PREX2: variants seen among roughly 807,000 people sequenced by gnomAD.
The protein encoded by PREX2 is phosphatidylinositol-3,4,5-trisphosphate dependent Rac exchange factor 2.
In PREX2, 107 loss-of-function variants were observed where a neutral mutation model predicts 203.2. The observed-to-expected ratio is 0.53, with a 90% CI of 0.45 to 0.62. PREX2 has a LOEUF of 0.62. PREX2 is among the 20% of genes least tolerant of loss of function. The pLI is 0.00. For synonymous variants in PREX2, 672 were observed against 663.6 expected (o/e 1.01, Z -0.19); for missense variants, 1,777 against 1,955.9 (o/e 0.91, Z 1.72).
chr8:68,133,156 C>T (rs967492365), intron 31 of PREX2, among the ~76,000 whole-genome samples: 3 of 152,208 alleles, frequency 2.0e-5, no homozygotes, highest in African/African-American at 2.4e-5. Context: ...GAGCAGAGAG[C>T]GTGTGTGTCA....
intron 9 of PREX2, 102 bp from the exon 10 acceptor site, chr8:68,055,728 C>A: frequency 2.8e-6 from 3 of 1,083,768 alleles, no homozygotes; most frequent in East Asian, 2.5e-5. Flanking sequence ...CAACCCCCAG[C>A]ACATGGTAGA....
chr8:68,099,963 T>G, intron 23 of PREX2, 120 bp downstream of exon 23: 1 of 890,862 alleles, frequency 1.1e-6, no homozygotes, highest in Non-Finnish European at 1.9e-6. Context: ...ACTGAGATGA[T>G]AACATTATAT....
chr8:68,224,486 A>T, intron 38 of PREX2, 73 bp from the exon 39 acceptor site: 2 of 1,154,850 alleles, frequency 1.7e-6, no homozygotes, highest in South Asian at 2.5e-5. Context: ...AGTATCCTAC[A>T]CACAAATGTT....
At chr8:68,177,824 C>T (rs879660831) in intron 35 of PREX2, among the ~76,000 whole-genome samples, 2 of 151,836 alleles carry the variant, frequency 1.3e-5, no homozygotes, top group African/African-American at 4.8e-5. Flanking sequence ...TGTGTTGTTC[C>T]CCCCACCCCC....
chr8:68,002,272 T>G (rs1210044407), intron 1 of PREX2, among the ~76,000 whole-genome samples: 1 of 151,962 alleles, frequency 6.6e-6, no homozygotes, highest in African/African-American at 2.4e-5. Context: ...CTCAGCCTCC[T>G]GAGTAGCTGG....
intron 21 of PREX2, chr8:68,095,221 A>T (rs1327706876): frequency 3.3e-5 from 5 of 152,048 alleles, no homozygotes; most frequent in Non-Finnish European, 5.9e-5. Flanking sequence ...TCATTAAATC[A>T]TCAGCCATTG....
intron 37 of PREX2, among the ~76,000 whole-genome samples, chr8:68,204,792 C>T (rs1812581359): frequency 7.1e-6 from 1 of 141,228 alleles, no homozygotes; most frequent in African/African-American, 2.7e-5. Flanking sequence ...TTACACCATT[C>T]TGCCTCAGCC....
chr8:68,228,944 TAAAAAAAA>T (rs58993264), intron 39 of PREX2, among the ~76,000 whole-genome samples: 2 of 103,538 alleles, frequency 1.9e-5, no homozygotes, highest in Non-Finnish European at 3.6e-5. Flanking sequence ...CTTGTCTCTT[TAAAAAAAA>T]AAAAAAAAAA....
chr8:68,125,421 T>C (rs73264936), intron 30 of PREX2, among the ~76,000 whole-genome samples: 2,963 of 152,232 alleles, frequency 0.019, 102 homozygotes, highest in African/African-American at 0.068. Flanking sequence ...ACAGGTGATA[T>C]CAAGGTGTCA....
At position 68,097,090 on chromosome 8, in the gene PREX2, T is replaced by G. The variant is rs774491414; in HGVS notation, c.2442T>G (p.Asn814Lys). ...KKEHVSLTVD[N>K]VHLEYGVVYE... Reference sequence around the variant, plus strand: ...AGCATGTGAGTCTGACAGTGGACAATGTCCACCTGGAATATGGTGTCGTGT... The same window carrying G: ...AGCATGTGAGTCTGACAGTGGACAAGGTCCACCTGGAATATGGTGTCGTGT... Residue 814 changes from asparagine to lysine, a missense_variant, in exon 22 of 40, where the codon AAT becomes AAG. By Grantham distance (94) the Asn-to-Lys change is moderately conservative (BLOSUM62 0). Transcript: ENST00000288368. 6.2e-7 allele frequency: 1 copy of G among 1,613,992 alleles called. No individual in the cohort carries two copies. The highest frequency in any genetic ancestry group is 1.1e-5 in the South Asian group (1 of 91,084).
At chr8:68,023,340 T>G (rs1807623458) in intron 4 of PREX2, among the ~76,000 whole-genome samples, 1 of 152,188 alleles carries the variant, frequency 6.6e-6, no homozygotes, top group Admixed American at 6.5e-5. Context: ...TGTAGTGCTA[T>G]CTCATGGTGG....
chr8:68,126,960 A>G (rs894198887), intron 30 of PREX2, among the ~76,000 whole-genome samples: 3 of 151,998 alleles, frequency 2.0e-5, no homozygotes, highest in Non-Finnish European at 1.5e-5. Flanking sequence ...AGTTTAAATA[A>G]CAGTAGCAAA....
At chr8:68,022,230 C>A in intron 4 of PREX2, 90 bp downstream of exon 4, 1 of 704,754 alleles carries the variant, frequency 1.4e-6, no homozygotes, top group South Asian at 1.6e-5. Context: ...GAGTAAAAAT[C>A]TGTGGGATAC....
At chr8:68,002,129 C>CTTTTTTTTTTTTTTTTTTTTT in intron 1 of PREX2, among the ~76,000 whole-genome samples, 1 of 146,342 alleles carries the variant, frequency 6.8e-6, no homozygotes, top group Non-Finnish European at 1.5e-5. Flanking sequence ...TTAATTTTGC[C>CTTTTTTTTTTTTTTTTTTTTT]TTTTTTTCTT....
At chr8:68,094,742 A>G (rs201554677) in intron 21 of PREX2, among the ~76,000 whole-genome samples, 4 of 152,168 alleles carry the variant, frequency 2.6e-5, no homozygotes, top group South Asian at 2.1e-4. Flanking sequence ...ATACCAACCA[A>G]TTCCCCAAAT....
chr8:68,046,638 C>T (rs1808361281), intron 8 of PREX2, among the ~76,000 whole-genome samples: 7 of 152,086 alleles, frequency 4.6e-5, no homozygotes, highest in Admixed American at 4.6e-4. Flanking sequence ...TCCTATGGAA[C>T]CTCTTGACAC....
At position 68,095,768 on chromosome 8, in the gene PREX2, A is replaced by G. The variant is rs987886104; in HGVS notation, c.2369-1249A>G. 4.0e-5 allele frequency among the ~76,000 whole-genome samples: 6 copies of G among 151,734 alleles called. No homozygotes were observed. In the East Asian group the frequency reaches 1.2e-3, roughly 29 times the overall value. ...CCGCCGTCAGTTCCCTACCCCTTCCAGTAGCTGGGACTACATGCACATGCC... is the reference window on the plus strand; with the variant it reads ...CCGCCGTCAGTTCCCTACCCCTTCCGGTAGCTGGGACTACATGCACATGCC... On this transcript the variant is annotated intron_variant, in intron 21 of 39. Coordinates refer to ENST00000288368, the MANE Select transcript of PREX2 (RefSeq NM_024870.4).
Position 68,115,769 on chromosome 8 carries a change from A to C in PREX2, c.3163A>C (p.Thr1055Pro). 6.2e-7 allele frequency: 1 copy of C among 1,609,398 alleles called. No individual in the cohort carries two copies. The highest frequency in any genetic ancestry group is 8.5e-7 in the Non-Finnish European group (1 of 1,178,556). ...ACATTGCAGCCTTCTGTCTTCAATA[A>C]CATATTCTCCTAAATTAGAACGTAA... ...CQIDDLLSSI[T>P]YSPKLERKTS... The change falls in exon 26 of 40, where the codon ACA becomes CCA. Residue 1055 changes from threonine to proline, a missense_variant. Thr to Pro is a conservative substitution (Grantham distance 38, BLOSUM62 -1). Transcript: ENST00000288368.
chr8:68,110,782 A>T (rs1169347092), intron 25 of PREX2: 1 of 206,328 alleles, frequency 4.8e-6, no homozygotes, highest in Non-Finnish European at 1.0e-5. Context: ...ATCACATTAG[A>T]TGCATCATAT....
Sources: gnomAD v4.1 joint callset for allele counts (sites outside exome capture counted in the v4.1 genomes callset) on GRCh38, gnomAD v4.1.1 for gene constraint, MANE v1.5 for transcripts, NCBI Gene and HGNC (gene_info 2026-07-23, HGNC 2026-07-21) for gene names.